Variants in FAM81B observed in about 807,000 individuals in gnomAD.
FAM81B encodes the protein protein FAM81B.
Under a neutral mutation model 58.7 loss-of-function variants are expected in FAM81B, and 60 were observed. The ratio of observed to expected loss-of-function variants is 1.02; its 90% CI spans 0.83 to 1.27. The LOEUF is 1.27. Among genes scored for constraint, FAM81B ranks in the 50% most tolerant of loss-of-function variants. The pLI, the probability that FAM81B is intolerant of heterozygous loss-of-function variation, is 0.00. For missense variants in FAM81B, 491 were observed against 522.0 expected (o/e 0.94, Z 0.58); for synonymous variants, 189 against 179.6 (o/e 1.05, Z -0.42).
intron 1 of FAM81B, 53 bp downstream of exon 1, chr5:95,391,566 T>C (rs1049788157): frequency 2.3e-5 from 36 of 1,549,224 alleles, no homozygotes; most frequent in Non-Finnish European, 3.0e-5. Context: ...ACTATCTTTC[T>C]TCTGTTTCTT....
chr5:95,417,377 G>T lies in FAM81B; in HGVS notation c.538-2907G>T, dbSNP rs149449969. On this transcript the variant is annotated intron_variant, in intron 4 of 9. Coordinates refer to ENST00000283357, the MANE Select transcript of FAM81B (RefSeq NM_152548.3). ...GTGACTATTTAAAGTAACAATTTTG[G>T]CTGAGTGCCTGTGGCTCACAACTGT... 7.6e-4 allele frequency among the ~76,000 whole-genome samples: 116 copies of T among 152,128 alleles called. 2 individuals carry two copies. The highest frequency in any genetic ancestry group is 4.4e-3 in the Admixed American group (67 of 15,264).
intron 7 of FAM81B, among the ~76,000 whole-genome samples, chr5:95,441,575 A>G (rs562322577): frequency 1.3e-5 from 2 of 152,186 alleles, no homozygotes; most frequent in East Asian, 3.9e-4. Flanking sequence ...ATCTAAATAA[A>G]TAAATAAATA....
intron 6 of FAM81B, among the ~76,000 whole-genome samples, chr5:95,429,631 CTCTT>C (rs1251286338): frequency 1.4e-4 from 22 of 152,152 alleles, no homozygotes; most frequent in African/African-American, 5.1e-4. Flanking sequence ...TTTTTAAACT[CTCTT>C]TGTTTTTCAA....
rs1582805581 is a variant in FAM81B at position 95,420,269 on chromosome 5, G to A, written c.538-15G>A. ...GTGATGGGAAATTAATGGGAAATTTGACTCAAAATTACAGATTTTAGAAGA... is the reference window on the plus strand; with the variant it reads ...GTGATGGGAAATTAATGGGAAATTTAACTCAAAATTACAGATTTTAGAAGA... On this transcript the variant is annotated splice_polypyrimidine_tract_variant and intron_variant, in intron 4 of 9. Coordinates refer to ENST00000283357, the MANE Select transcript of FAM81B (RefSeq NM_152548.3). 4 of 1,612,856 alleles carry A rather than the reference G, an allele frequency of 2.5e-6. No individual in the cohort carries two copies. The highest frequency in any genetic ancestry group is 1.7e-4 in the Middle Eastern group (1 of 6,054).
chr5:95,392,161 A>T (rs890587656), intron 1 of FAM81B, among the ~76,000 whole-genome samples: 34 of 152,240 alleles, frequency 2.2e-4, no homozygotes, highest in African/African-American at 8.2e-4. Flanking sequence ...ACCATGGAAT[A>T]CTATGCAGCC....
At chr5:95,433,095 G>A (rs1744963494) in intron 6 of FAM81B, among the ~76,000 whole-genome samples, 1 of 152,098 alleles carries the variant, frequency 6.6e-6, no homozygotes, top group African/African-American at 2.4e-5. Context: ...GCAATTGCAT[G>A]TGGTATTTTC....
intron 3 of FAM81B, among the ~76,000 whole-genome samples, chr5:95,404,481 T>C (rs1448261075): frequency 1.3e-5 from 2 of 151,446 alleles, no homozygotes; most frequent in African/African-American, 2.4e-5. Context: ...AAAACTACCA[T>C]GTTAATGAAA....
chr5:95,424,477 G>T (rs1582810864), intron 5 of FAM81B, among the ~76,000 whole-genome samples: 2 of 149,830 alleles, frequency 1.3e-5, no homozygotes, highest in South Asian at 4.2e-4. Context: ...GATTACTTGT[G>T]AACAGTCACA....
At chr5:95,423,215 A>G (rs1355771456) in intron 5 of FAM81B, among the ~76,000 whole-genome samples, 2 of 152,200 alleles carry the variant, frequency 1.3e-5, no homozygotes, top group African/African-American at 2.4e-5. Flanking sequence ...AATATTTAAT[A>G]ACTACAATGA....
In FAM81B at chr5:95,450,390, C is replaced by T; in HGVS notation, c.*108C>T. On this transcript the variant is annotated 3_prime_UTR_variant, in exon 10 of 10. Transcript: ENST00000283357. ...GGATGTTTACTGCTTCTAATGTCTC[C>T]TTTTAAGGAGACGAATGTACCAGAA... 5 of 1,522,218 alleles carry T rather than the reference C, an allele frequency of 3.3e-6. No individual in the cohort carries two copies. Among genetic ancestry groups the T allele is most frequent in the Non-Finnish European group, 4.4e-6 (5 of 1,139,104 alleles). 94.3% of individuals were successfully genotyped at this position (1,522,218 alleles called of 1,614,324 possible). A position where few individuals can be genotyped will look rare whatever the true frequency, so the allele number is the denominator to read the frequency against.
intron 5 of FAM81B, among the ~76,000 whole-genome samples, chr5:95,426,812 G>C (rs1305766944): frequency 6.6e-6 from 1 of 152,202 alleles, no homozygotes; most frequent in Non-Finnish European, 1.5e-5. Flanking sequence ...ACTTTGGGAG[G>C]CTGAGGCGGG....
rs376632979 is a variant in FAM81B at position 95,420,990 on chromosome 5, C to T, written c.656+588C>T. 3.3e-5 allele frequency among the ~76,000 whole-genome samples: 5 copies of T among 152,276 alleles called. No individual in the cohort carries two copies. The East Asian group carries it at 7.7e-4, about 24-fold the overall frequency. ...TTCTGCCAGTACCTCATTCCTCTCT[C>T]CTGAAATACTCCCATCTCCATCTGG... On this transcript the variant is annotated intron_variant, in intron 5 of 9. Transcript: ENST00000283357.
At chr5:95,443,119 G>A (rs1745429576) in intron 7 of FAM81B, among the ~76,000 whole-genome samples, 1 of 152,062 alleles carries the variant, frequency 6.6e-6, no homozygotes, top group Non-Finnish European at 1.5e-5. Context: ...AAGTGTAGTG[G>A]CAAAACTGGC....
chr5:95,432,776 T>C (rs1452227386), intron 6 of FAM81B, among the ~76,000 whole-genome samples: 1 of 152,094 alleles, frequency 6.6e-6, no homozygotes, highest in African/African-American at 2.4e-5. Flanking sequence ...TTTCTTTTTT[T>C]CCCCCTTGAT....
chr5:95,396,300 C>T (rs1459530190), intron 3 of FAM81B, 125 bp downstream of exon 3: 8 of 655,190 alleles, frequency 1.2e-5, no homozygotes, highest in Non-Finnish European at 2.0e-5. Flanking sequence ...CTGAATGAAA[C>T]CTTTAAGTTC....
chr5:95,428,736 A>C lies in FAM81B; in HGVS notation c.786+4A>C. The C allele has an allele frequency of 1.2e-6, 2 of 1,613,746 alleles. No homozygotes were observed. The highest frequency in any genetic ancestry group is 1.7e-6 in the Non-Finnish European group (2 of 1,179,662). On this transcript the variant is annotated splice_donor_region_variant and intron_variant, in intron 6 of 9. Transcript: ENST00000283357. Reference sequence around the variant, plus strand: ...TTCCAAGAACTTGGACATGAAGGTAATTGAAAATAGATGGGACTCATATTA... The same window carrying C: ...TTCCAAGAACTTGGACATGAAGGTACTTGAAAATAGATGGGACTCATATTA...
intron 6 of FAM81B, among the ~76,000 whole-genome samples, chr5:95,432,652 A>G (rs916658338): frequency 6.6e-6 from 1 of 152,000 alleles, no homozygotes; most frequent in Admixed American, 6.6e-5. Context: ...TTAGAAAAAA[A>G]ATCTATTTCC....
At chr5:95,441,784 C>T (rs1404294119) in intron 7 of FAM81B, among the ~76,000 whole-genome samples, 1 of 152,146 alleles carries the variant, frequency 6.6e-6, no homozygotes, top group Non-Finnish European at 1.5e-5. Context: ...ATGCACTGAA[C>T]CCCTCCACTG....
At chr5:95,435,789 A>G (rs950705640) in intron 6 of FAM81B, among the ~76,000 whole-genome samples, 38 of 151,892 alleles carry the variant, frequency 2.5e-4, no homozygotes, top group African/African-American at 8.7e-4. Flanking sequence ...CTGCTGCTTT[A>G]TTTTCCTTTG....
Sources: gnomAD v4.1 joint callset for allele counts (sites outside exome capture counted in the v4.1 genomes callset) on GRCh38, gnomAD v4.1.1 for gene constraint, MANE v1.5 for transcripts, NCBI Gene and HGNC (gene_info 2026-07-23, HGNC 2026-07-21) for gene names.